FAM149A: variants seen among roughly 807,000 people sequenced by gnomAD.
The protein encoded by FAM149A is family with sequence similarity 149 member A, also known as protein FAM149A.
FAM149A carries 71 observed loss-of-function variants against 78.2 expected under a neutral mutation model. The ratio of observed to expected loss-of-function variants is 0.91; its 90% CI spans 0.75 to 1.11. The LOEUF (loss-of-function observed/expected upper bound fraction) is 1.11. Among genes scored for constraint, FAM149A ranks in the 50% least tolerant of loss-of-function variants. FAM149A has a pLI of 0.00. For missense variants in FAM149A, 1,036 were observed against 971.0 expected (o/e 1.07, Z -0.89); for synonymous variants, 446 against 410.5 (o/e 1.09, Z -1.04).
chr4:186,169,607 A>G, intron 13 of FAM149A: 1 of 985,406 alleles, frequency 1.0e-6, no homozygotes, highest in Non-Finnish European at 1.2e-6. Context: ...GCACACCACG[A>G]TCTAATAGGA....
At chr4:186,153,192 G>A (rs1390653108) in intron 4 of FAM149A, 65 of 900,250 alleles carry the variant, frequency 7.2e-5, no homozygotes, top group Non-Finnish European at 8.5e-5. Context: ...TGATAGAAAT[G>A]GAGGGAAGGT....
intron 1 of FAM149A, among the ~76,000 whole-genome samples, chr4:186,119,611 C>T (rs2099315137): frequency 6.6e-6 from 1 of 152,134 alleles, no homozygotes; most frequent in Non-Finnish European, 1.5e-5. Context: ...ATAACCATAA[C>T]TTGAAATTAT....
At chr4:186,121,998 G>C (rs1346521905) in intron 1 of FAM149A, among the ~76,000 whole-genome samples, 1 of 152,148 alleles carries the variant, frequency 6.6e-6, no homozygotes, top group Non-Finnish European at 1.5e-5. Context: ...CTTCCTGGCT[G>C]GCACCATGCT....
rs532144754 is a variant in FAM149A, at chr4:186,150,078, G to A, written c.789+374G>A. Among the ~76,000 whole-genome samples the A allele has an allele frequency of 1.4e-4, 21 of 152,282 alleles. No individual in the cohort carries two copies. In the South Asian group the frequency reaches 4.4e-3, roughly 32 times the overall value. ...AGCTGTGGCAGCCACTGTGATTAGA[G>A]AACTCCCCGCCAGTATTCCCAGTCG... On this transcript the variant is annotated intron_variant, in intron 3 of 13. Coordinates refer to ENST00000389354, the MANE Select transcript of FAM149A (RefSeq NM_001367768.3).
Position 186,118,037 on chromosome 4 carries a change from G to A in FAM149A, c.566+12395G>A, listed in dbSNP as rs2099314444. The A allele has an allele frequency of 4.1e-6, 4 of 985,296 alleles. No homozygotes were observed. The South Asian group carries it at 1.9e-4, about 46-fold the overall frequency. 61.0% of individuals were successfully genotyped at this position (985,296 alleles called of 1,614,324 possible). A position where few individuals can be genotyped will look rare whatever the true frequency, so the allele number is the denominator to read the frequency against. ...TCTGGGATACACACCTTGAGTTGAG[G>A]TCTAGGGAAACATCTAGAGAAGGGC... On this transcript the variant is annotated intron_variant, in intron 1 of 13. Coordinates refer to ENST00000389354, the MANE Select transcript of FAM149A (RefSeq NM_001367768.3).
intron 1 of FAM149A, chr4:186,125,994 TTCTAACC>T: frequency 1.0e-6 from 1 of 985,374 alleles, no homozygotes; most frequent in Non-Finnish European, 1.2e-6. Flanking sequence ...AGGCCCCAAA[TTCTAACC>T]TCTAGAGCCT....
chr4:186,116,846 C>A, intron 1 of FAM149A: 3 of 786,416 alleles, frequency 3.8e-6, no homozygotes, highest in Non-Finnish European at 4.6e-6. Context: ...CAAGCATGGC[C>A]CTTGTGCCAA....
At chr4:186,169,475 T>A in intron 13 of FAM149A, 3 of 985,346 alleles carry the variant, frequency 3.0e-6, no homozygotes, top group South Asian at 4.7e-5. Context: ...CTAAGTCTTA[T>A]CCCTCAAAAG....
intron 13 of FAM149A, chr4:186,169,610 T>A: frequency 1.0e-6 from 1 of 985,312 alleles, no homozygotes; most frequent in Non-Finnish European, 1.2e-6. Flanking sequence ...CACCACGATC[T>A]AATAGGACAT....
intron 8 of FAM149A, chr4:186,158,098 C>A: frequency 7.5e-7 from 1 of 1,331,598 alleles, no homozygotes; most frequent in South Asian, 1.2e-5. Context: ...GCCATTGTTG[C>A]TGTTGAACCC....
In FAM149A at chr4:186,135,209, G is replaced by A. The variant is rs1248001207; in HGVS notation, c.567-13964G>A. Among the ~76,000 whole-genome samples, 8 of 152,184 alleles carry A rather than the reference G, an allele frequency of 5.3e-5. No homozygotes were observed. The South Asian group carries it at 8.3e-4, about 16-fold the overall frequency. ...AACTGCAGTGCAGACATAAGACAGC[G>A]GGCACCACCCCTTTGCCTCTACTCT... On this transcript the variant is annotated intron_variant, in intron 1 of 13. Coordinates refer to ENST00000389354, the MANE Select transcript of FAM149A (RefSeq NM_001367768.3).
At chr4:186,165,989 G>C (rs543918237) in intron 11 of FAM149A, among the ~76,000 whole-genome samples, 3 of 152,158 alleles carry the variant, frequency 2.0e-5, no homozygotes, top group Admixed American at 6.5e-5. Context: ...CATTTCTATC[G>C]GTCATTTTTA....
chr4:186,124,107 C>T (rs1470611585), intron 1 of FAM149A: 9 of 984,698 alleles, frequency 9.1e-6, no homozygotes, highest in Non-Finnish European at 1.2e-6. Context: ...TATCCTTGGT[C>T]AGAAAAGGAT....
At chr4:186,145,209 C>A in intron 1 of FAM149A, 1 of 941,894 alleles carries the variant, frequency 1.1e-6, no homozygotes, top group Non-Finnish European at 1.3e-6. Flanking sequence ...CTGGCCCGGG[C>A]TTCCCTGCAG....
chr4:186,168,101 T>C (rs558678928), intron 13 of FAM149A, among the ~76,000 whole-genome samples: 1 of 152,224 alleles, frequency 6.6e-6, no homozygotes, highest in South Asian at 2.1e-4. Flanking sequence ...TTTCGTAACA[T>C]GTAAGCATTG....
At chr4:186,135,238 G>A (rs183395546) in intron 1 of FAM149A, among the ~76,000 whole-genome samples, 7 of 152,226 alleles carry the variant, frequency 4.6e-5, no homozygotes, top group Admixed American at 2.0e-4. Flanking sequence ...CTACTCTCAC[G>A]TTTTTTACTT....
At chr4:186,116,344 CA>C (rs1443022514) in intron 1 of FAM149A, 1 of 405,776 alleles carries the variant, frequency 2.5e-6, no homozygotes, top group African/African-American at 2.2e-5. Flanking sequence ...ATGCAGAAAT[CA>C]CCCGTCTTCT....
chr4:186,124,971 C>T (rs531973179), intron 1 of FAM149A, among the ~76,000 whole-genome samples: 12 of 152,266 alleles, frequency 7.9e-5, no homozygotes, highest in East Asian at 3.9e-4. Context: ...TGGTGTGAGA[C>T]GGTATCTCGT....
At chr4:186,127,154 A>T (rs1265435578) in intron 1 of FAM149A, 1 of 984,626 alleles carries the variant, frequency 1.0e-6, no homozygotes, top group Non-Finnish European at 1.2e-6. Flanking sequence ...CAACAGGAGC[A>T]ACTGTACACC....
Sources: gnomAD v4.1 joint callset for allele counts (sites outside exome capture counted in the v4.1 genomes callset) on GRCh38, gnomAD v4.1.1 for gene constraint, MANE v1.5 for transcripts, NCBI Gene and HGNC (gene_info 2026-07-23, HGNC 2026-07-21) for gene names.